PAFAH1B1: variants seen among roughly 807,000 people sequenced by gnomAD.
PAFAH1B1 encodes the protein platelet activating factor acetylhydrolase 1b regulatory subunit 1.
A neutral mutation model predicts 57.5 loss-of-function variants in PAFAH1B1; 2 were observed. The ratio of observed to expected loss-of-function variants is 0.03; its 90% CI spans 0.01 to 0.11. PAFAH1B1 has a LOEUF of 0.11. PAFAH1B1 is among the 10% of genes least tolerant of loss of function. The pLI, the probability that PAFAH1B1 is intolerant of heterozygous loss-of-function variation, is 1.00. For missense variants in PAFAH1B1, 257 were observed against 512.0 expected, an observed-to-expected ratio of 0.50 and a Z score of 4.81; for synonymous variants, 152 against 169.6, an observed-to-expected ratio of 0.90 and a Z score of 0.81.
chr17:2,600,753 G>A (rs976718192), intron 1 of PAFAH1B1, among the ~76,000 whole-genome samples: 1 of 151,752 alleles, frequency 6.6e-6, no homozygotes, highest in Non-Finnish European at 1.5e-5. Flanking sequence ...TTTTTGAGAC[G>A]GACTCTCGCT....
At chr17:2,638,892 C>T (rs1192259962) in intron 2 of PAFAH1B1, among the ~76,000 whole-genome samples, 2 of 149,978 alleles carry the variant, frequency 1.3e-5, no homozygotes, top group Non-Finnish European at 3.0e-5. Flanking sequence ...GAGTTTTACC[C>T]TAAGCTTATT....
chr17:2,626,563 C>CG (rs1567534751), intron 1 of PAFAH1B1, among the ~76,000 whole-genome samples: 2 of 58,488 alleles, frequency 3.4e-5, no homozygotes, highest in African/African-American at 1.0e-4. Flanking sequence ...TCCCCCCCCC[C>CG]CCCCCCCCGA....
chr17:2,613,386 G>T, intron 1 of PAFAH1B1: 1 of 242,282 alleles, frequency 4.1e-6, no homozygotes, highest in East Asian at 8.7e-5. Flanking sequence ...CCTTCATAGG[G>T]GGAGGTGGCT....
intron 1 of PAFAH1B1, among the ~76,000 whole-genome samples, chr17:2,601,129 T>A (rs1424921869): frequency 6.6e-6 from 1 of 152,100 alleles, no homozygotes; most frequent in Non-Finnish European, 1.5e-5. Flanking sequence ...AATATTTATT[T>A]ATTATTTATT....
intron 1 of PAFAH1B1, among the ~76,000 whole-genome samples, chr17:2,636,010 C>T (rs890375528): frequency 3.3e-5 from 5 of 151,176 alleles, no homozygotes; most frequent in African/African-American, 1.2e-4. Context: ...GTATTCTTAG[C>T]TACTCAAGAG....
At position 2,663,628 on chromosome 17, in the gene PAFAH1B1, T is replaced by G. The variant is rs574935990; in HGVS notation, c.33-1744T>G. On this transcript the variant is annotated intron_variant, in intron 2 of 10. Transcript: ENST00000397195. The stretch of plus-strand genomic sequence containing the variant: ...CCTTGCTGAAGTTAAAGGTTCTACA[T>G]TAACTGGATCAGATTGTTGGCTTAA... Among the ~76,000 whole-genome samples, 3 of 152,254 alleles carry G rather than the reference T, an allele frequency of 2.0e-5. No individual in the cohort carries two copies. The East Asian group carries it at 5.8e-4, about 29-fold the overall frequency.
intron 1 of PAFAH1B1, among the ~76,000 whole-genome samples, chr17:2,632,215 C>G (rs1359333025): frequency 6.6e-6 from 1 of 152,318 alleles, no homozygotes; most frequent in East Asian, 1.9e-4. Flanking sequence ...AGGCGTGAGC[C>G]TCCACACTCA....
At chr17:2,602,343 C>G (rs1294200822) in intron 1 of PAFAH1B1, among the ~76,000 whole-genome samples, 1 of 152,028 alleles carries the variant, frequency 6.6e-6, no homozygotes, top group Non-Finnish European at 1.5e-5. Context: ...AATACAACCC[C>G]AAGACATCAA....
At chr17:2,607,790 G>A (rs993892904) in intron 1 of PAFAH1B1, among the ~76,000 whole-genome samples, 8 of 151,952 alleles carry the variant, frequency 5.3e-5, no homozygotes, top group Admixed American at 1.3e-4. Context: ...CCGGCTTGAT[G>A]TCCCTTTTGT....
rs140494578 is a variant in PAFAH1B1 at position 2,637,973 on chromosome 17, AATC to A, written c.-190-119_-190-117del. 5.9e-3 allele frequency: 2,501 copies of A among 425,864 alleles called. 54 individuals are homozygous for A. The highest frequency in any genetic ancestry group is 0.046 in the African/African-American group (2,269 of 49,126). The allele number at this position is 425,864 out of a possible 1,614,324, so 26.4% of individuals were successfully genotyped here. On this transcript the variant is annotated intron_variant, in intron 1 of 10. Transcript: ENST00000397195. ...TAGTTGACTTTCACTATAAGTGGAA[AATC>A]ATCATCTAATATTTATACTAACATC...
intron 1 of PAFAH1B1, among the ~76,000 whole-genome samples, chr17:2,606,261 T>TA (rs2151611586): frequency 1.3e-5 from 2 of 152,318 alleles, no homozygotes; most frequent in East Asian, 3.9e-4. Context: ...GTGTAGGACT[T>TA]ACCCTTCAGG....
intron 2 of PAFAH1B1, among the ~76,000 whole-genome samples, chr17:2,651,877 G>C (rs1344653165): frequency 1.3e-5 from 2 of 151,984 alleles, no homozygotes; most frequent in Non-Finnish European, 2.9e-5. Flanking sequence ...TTGACATTAG[G>C]GTTTACTCTT....
intron 2 of PAFAH1B1, among the ~76,000 whole-genome samples, chr17:2,664,405 GC>G (rs1401703811): frequency 1.4e-5 from 2 of 146,754 alleles, no homozygotes; most frequent in South Asian, 4.3e-4. Flanking sequence ...ACCACACCTG[GC>G]CTTTTTTTTT....
rs1477857919 is a variant in PAFAH1B1, at chr17:2,622,368, C to G, written c.-190-15731C>G. On this transcript the variant is annotated intron_variant, in intron 1 of 10. Transcript: ENST00000397195. Reference sequence around the variant, plus strand: ...AAGCAAACTAGTTACTTCCTAGATACAATGGGGGTATAGGTATTGGGTAAA... The same window carrying G: ...AAGCAAACTAGTTACTTCCTAGATAGAATGGGGGTATAGGTATTGGGTAAA... Among the ~76,000 whole-genome samples, 3 of 152,160 alleles carry G rather than the reference C, an allele frequency of 2.0e-5. No homozygotes were observed. The East Asian group carries it at 5.8e-4, about 29-fold the overall frequency.
At chr17:2,634,247 C>T (rs1057471306) in intron 1 of PAFAH1B1, among the ~76,000 whole-genome samples, 1 of 152,206 alleles carries the variant, frequency 6.6e-6, no homozygotes, top group Non-Finnish European at 1.5e-5. Context: ...AGCGATTCTC[C>T]TGCCTCAGCC....
intron 6 of PAFAH1B1, 74 bp downstream of exon 6, chr17:2,670,405 T>C (rs1280315657): frequency 1.5e-6 from 2 of 1,323,512 alleles, no homozygotes; most frequent in African/African-American, 1.4e-5. Context: ...TTTCTAACAG[T>C]GTACAGTGTT....
chr17:2,628,335 T>C (rs2068517444), intron 1 of PAFAH1B1, among the ~76,000 whole-genome samples: 1 of 152,186 alleles, frequency 6.6e-6, no homozygotes. Context: ...GATGATCATG[T>C]GGTTTTTGTT....
intron 1 of PAFAH1B1, among the ~76,000 whole-genome samples, chr17:2,621,955 A>G (rs916235332): frequency 1.4e-5 from 2 of 147,614 alleles, no homozygotes; most frequent in Non-Finnish European, 2.9e-5. Flanking sequence ...CACCTATTAC[A>G]TTGTGGTGGC....
intron 1 of PAFAH1B1, among the ~76,000 whole-genome samples, chr17:2,618,770 C>T (rs935476555): frequency 4.0e-5 from 6 of 149,926 alleles, no homozygotes; most frequent in African/African-American, 1.5e-4. Context: ...GCTTGGGCCT[C>T]ACGAGTAGCT....
Sources: allele counts gnomAD v4.1 joint callset (sites outside exome capture counted in the v4.1 genomes callset), GRCh38; gene constraint gnomAD v4.1.1; transcripts MANE v1.5; gene names NCBI Gene and HGNC (gene_info 2026-07-23, HGNC 2026-07-21).